SH3GL2: variants seen among roughly 807,000 people sequenced by gnomAD.
SH3GL2 encodes the protein endophilin-A1.
SH3GL2 carries 24 observed loss-of-function variants against 46.0 expected under a neutral mutation model. The observed-to-expected ratio is 0.52, with a 90% confidence interval of 0.38 to 0.73. The LOEUF (loss-of-function observed/expected upper bound fraction) is 0.73. Ranked by LOEUF, SH3GL2 falls within the 30% of genes least tolerant of loss-of-function variation. The probability of loss-of-function intolerance (pLI) is 0.00; values close to 1 mark genes in which losing one functional copy is unlikely to be tolerated. For missense variants in SH3GL2, 413 were observed against 424.2 expected, an observed-to-expected ratio of 0.97 and a Z score of 0.23; for synonymous variants, 196 against 147.1, an observed-to-expected ratio of 1.33 and a Z score of -2.40.
At chr9:17,679,805 C>G (rs938679024) in intron 1 of SH3GL2, among the ~76,000 whole-genome samples, 4 of 152,110 alleles carry the variant, frequency 2.6e-5, no homozygotes, top group African/African-American at 9.7e-5. Context: ...TATGTCCCAT[C>G]AATACCTAAT....
intron 1 of SH3GL2, among the ~76,000 whole-genome samples, chr9:17,641,281 T>G (rs1819675080): frequency 6.6e-6 from 1 of 151,960 alleles, no homozygotes; most frequent in African/African-American, 2.4e-5. Context: ...ATTCCTGGAG[T>G]GTATGTTGCT....
intron 1 of SH3GL2, among the ~76,000 whole-genome samples, chr9:17,639,405 T>C (rs921198293): frequency 2.0e-5 from 3 of 152,178 alleles, no homozygotes; most frequent in African/African-American, 7.2e-5. Context: ...TATAGACCTG[T>C]CTTAAAAGAA....
At chr9:17,608,796 A>T (rs192029101) in intron 1 of SH3GL2, among the ~76,000 whole-genome samples, 46 of 152,364 alleles carry the variant, frequency 3.0e-4, no homozygotes, top group Admixed American at 5.2e-4. Context: ...TAGGGGGAAC[A>T]TGAATTATTT....
chr9:17,751,675 T>C (rs955103630), intron 2 of SH3GL2, among the ~76,000 whole-genome samples: 1 of 152,170 alleles, frequency 6.6e-6, no homozygotes, highest in African/African-American at 2.4e-5. Flanking sequence ...ACTAATAATG[T>C]CACTTTTTAA....
chr9:17,733,079 C>G (rs1385934879), intron 1 of SH3GL2, among the ~76,000 whole-genome samples: 1 of 151,994 alleles, frequency 6.6e-6, no homozygotes, highest in Non-Finnish European at 1.5e-5. Flanking sequence ...TGATATCTTC[C>G]CATCAAATCA....
At chr9:17,717,205 G>T (rs1000029517) in intron 1 of SH3GL2, among the ~76,000 whole-genome samples, 5 of 152,156 alleles carry the variant, frequency 3.3e-5, no homozygotes, top group African/African-American at 1.2e-4. Flanking sequence ...TGATCATCCA[G>T]TGCCGCATAA....
intron 1 of SH3GL2, among the ~76,000 whole-genome samples, chr9:17,682,825 G>C (rs528621270): frequency 1.4e-4 from 22 of 152,170 alleles, no homozygotes; most frequent in African/African-American, 5.3e-4. Flanking sequence ...CTCATAGTTT[G>C]CAAGTTAACA....
In SH3GL2 at chr9:17,795,935, G is replaced by T; in HGVS notation, c.*192G>T. 1.7e-6 allele frequency: 1 copy of T among 573,302 alleles called. No homozygotes were observed. The highest frequency in any genetic ancestry group is 3.1e-6 in the Non-Finnish European group (1 of 322,050). The allele number at this position is 573,302 out of a possible 1,614,324, so 35.5% of individuals were successfully genotyped here. A position where few individuals can be genotyped will look rare whatever the true frequency, so the allele number is the denominator to read the frequency against. On this transcript the variant is annotated 3_prime_UTR_variant, in exon 9 of 9. Transcript: ENST00000380607. ...GTGATGGATGATATCCTCTTAGCCT[G>T]GTGGGCGTGGCATGTGCTTTTTAAA... is the stretch of plus-strand genomic sequence containing the variant.
chr9:17,693,085 T>G (rs1017696528), intron 1 of SH3GL2, among the ~76,000 whole-genome samples: 5 of 152,164 alleles, frequency 3.3e-5, no homozygotes, highest in African/African-American at 1.2e-4. Flanking sequence ...TATCAAATAG[T>G]GTTTTGGTTT....
intron 1 of SH3GL2, among the ~76,000 whole-genome samples, chr9:17,615,235 G>A (rs1247944762): frequency 6.6e-6 from 1 of 152,182 alleles, no homozygotes; most frequent in African/African-American, 2.4e-5. Context: ...TTTACAAGAA[G>A]TGTTTACTGG....
chr9:17,716,767 C>G (rs1167597040), intron 1 of SH3GL2, among the ~76,000 whole-genome samples: 1 of 152,100 alleles, frequency 6.6e-6, no homozygotes, highest in Non-Finnish European at 1.5e-5. Flanking sequence ...TCTCTTCACT[C>G]CATTCGCCTA....
At position 17,771,124 on chromosome 9, in the gene SH3GL2, A is replaced by G. The variant is rs570574829; in HGVS notation, c.187+9615A>G. Reference sequence around the variant, plus strand: ...CAGCCAGAGCTCCTATTTCAAGCATACAACTGTCTGCTGGGGCCATCAGGC... The same window carrying G: ...CAGCCAGAGCTCCTATTTCAAGCATGCAACTGTCTGCTGGGGCCATCAGGC... On this transcript the variant is annotated intron_variant, in intron 3 of 8. Coordinates refer to ENST00000380607, the MANE Select transcript of SH3GL2 (RefSeq NM_003026.5). Among the ~76,000 whole-genome samples the G allele has an allele frequency of 3.7e-4, 57 of 152,308 alleles. No individual in the cohort carries two copies. The South Asian group carries it at 0.011, about 30-fold the overall frequency.
intron 1 of SH3GL2, among the ~76,000 whole-genome samples, chr9:17,612,599 G>A (rs1416952474): frequency 6.6e-6 from 1 of 152,158 alleles, no homozygotes; most frequent in Non-Finnish European, 1.5e-5. Context: ...CTGGGAGGAT[G>A]CATTTCACTT....
chr9:17,619,449 A>G (rs1370639002), intron 1 of SH3GL2, among the ~76,000 whole-genome samples: 1 of 152,210 alleles, frequency 6.6e-6, no homozygotes, highest in African/African-American at 2.4e-5. Flanking sequence ...AGGCTGAGCC[A>G]GGCAGATTAC....
chr9:17,656,966 T>C (rs568835400), intron 1 of SH3GL2, among the ~76,000 whole-genome samples: 6 of 152,196 alleles, frequency 3.9e-5, no homozygotes, highest in African/African-American at 1.4e-4. Context: ...AAAAAATCAC[T>C]GGGTGGAACA....
intron 1 of SH3GL2, among the ~76,000 whole-genome samples, chr9:17,707,924 A>C (rs1821515432): frequency 6.6e-6 from 1 of 152,012 alleles, no homozygotes; most frequent in Non-Finnish European, 1.5e-5. Context: ...CCCAAATCCA[A>C]ATAAAAGGTG....
intron 1 of SH3GL2, among the ~76,000 whole-genome samples, chr9:17,654,972 A>G (rs1820040119): frequency 6.6e-6 from 1 of 152,212 alleles, no homozygotes; most frequent in East Asian, 1.9e-4. Flanking sequence ...AGGTACTGGA[A>G]GAAACCATAG....
intron 1 of SH3GL2, among the ~76,000 whole-genome samples, chr9:17,738,641 T>TAGAGAGAGAGAGAGAGAGAGAG (rs1554645334): frequency 1.1e-5 from 1 of 88,900 alleles, no homozygotes; most frequent in Non-Finnish European, 2.3e-5. Context: ...TATATATATA[T>TAGAGAGAGAGAGAGAGAGAGAG]AGAGAGAGAG....
In SH3GL2 at chr9:17,753,319, C is replaced by T. The variant is rs190991880; in HGVS notation, c.114+6185C>T. 4.2e-4 allele frequency among the ~76,000 whole-genome samples: 64 copies of T among 152,300 alleles called. 1 individual carries two copies. Among genetic ancestry groups the T allele is most frequent in the Admixed American group, 5.9e-4 (9 of 15,302 alleles). On this transcript the variant is annotated intron_variant, in intron 2 of 8. Transcript: ENST00000380607. The stretch of plus-strand genomic sequence containing the variant: ...ACAATGGTTGAACTAATTTACACTC[C>T]TACCAACAGTGTATAAGCATTCCTT...
Sources: gnomAD v4.1 joint callset for allele counts (sites outside exome capture counted in the v4.1 genomes callset) on GRCh38, gnomAD v4.1.1 for gene constraint, MANE v1.5 for transcripts, NCBI Gene and HGNC (gene_info 2026-07-23, HGNC 2026-07-21) for gene names.